The following MAP4 variants were observed in gnomAD, a reference collection of about 807,000 sequenced individuals.
MAP4 encodes microtubule associated protein 4.
Under a neutral mutation model 170.2 loss-of-function variants are expected in MAP4, and 76 were observed. That is an observed-to-expected ratio of 0.45 (90% CI 0.37 to 0.54). The LOEUF (loss-of-function observed/expected upper bound fraction) is 0.54, where lower values mean the gene tolerates loss of function less well. Among genes scored for constraint, MAP4 ranks in the 20% least tolerant of loss-of-function variants. The pLI is 0.00. For missense variants in MAP4, 2,506 were observed against 2,748.0 expected (o/e 0.91, Z 1.97); for synonymous variants, 909 against 994.5 (o/e 0.91, Z 1.62).
intron 20 of MAP4, 53 bp downstream of exon 20, chr3:47,853,110 G>A: frequency 1.9e-6 from 3 of 1,613,360 alleles, no homozygotes; most frequent in Non-Finnish European, 2.5e-6. Flanking sequence ...GTTTCAATTT[G>A]CGGCCAGTGG....
At chr3:47,894,042 T>G (rs1216053393) in intron 10 of MAP4, among the ~76,000 whole-genome samples, 1 of 151,716 alleles carries the variant, frequency 6.6e-6, no homozygotes, top group Non-Finnish European at 1.5e-5. Context: ...AGGGCTACAC[T>G]CATGATGATG....
chr3:47,876,145 T>G (rs1468524958), intron 11 of MAP4, among the ~76,000 whole-genome samples: 2 of 149,214 alleles, frequency 1.3e-5, no homozygotes, highest in African/African-American at 4.9e-5. Flanking sequence ...TCTTTTTTTT[T>G]TTTTTTGAGA....
chr3:47,958,995 A>AT (rs2100069656), intron 3 of MAP4, among the ~76,000 whole-genome samples: 1 of 152,080 alleles, frequency 6.6e-6, no homozygotes, highest in Non-Finnish European at 1.5e-5. Context: ...AATTAGATTT[A>AT]TAATACAACT....
chr3:48,009,103 T>C (rs1436003185), intron 1 of MAP4, among the ~76,000 whole-genome samples: 1 of 152,096 alleles, frequency 6.6e-6, no homozygotes, highest in Non-Finnish European at 1.5e-5. Flanking sequence ...GTTGTTGTTG[T>C]TGTTGTTGTT....
At chr3:48,050,604 TAA>T (rs58604865) in intron 1 of MAP4, among the ~76,000 whole-genome samples, 13 of 139,760 alleles carry the variant, frequency 9.3e-5, no homozygotes, top group African/African-American at 2.8e-4. Flanking sequence ...ATCATAAACT[TAA>T]AAAAAAAAAA....
At chr3:47,952,868 G>A (rs2100065371) in intron 3 of MAP4, among the ~76,000 whole-genome samples, 1 of 151,662 alleles carries the variant, frequency 6.6e-6, no homozygotes, top group Non-Finnish European at 1.5e-5. Context: ...AGGTTGTAGT[G>A]AGCCGAGATC....
chr3:47,951,999 G>T (rs1222433917), intron 3 of MAP4, among the ~76,000 whole-genome samples: 4 of 149,984 alleles, frequency 2.7e-5, no homozygotes, highest in African/African-American at 9.9e-5. Context: ...CCTCTGCCCC[G>T]CCACCCCGTC....
intron 1 of MAP4, among the ~76,000 whole-genome samples, chr3:48,039,885 A>G (rs2100120751): frequency 6.6e-6 from 1 of 152,228 alleles, no homozygotes; most frequent in Non-Finnish European, 1.5e-5. Flanking sequence ...CCTTTCATAG[A>G]CTTCCTCTAA....
chr3:48,001,983 T>C (rs934291097), intron 1 of MAP4, among the ~76,000 whole-genome samples: 1 of 152,144 alleles, frequency 6.6e-6, no homozygotes, highest in Non-Finnish European at 1.5e-5. Flanking sequence ...TTCATGCGAC[T>C]CTGTCATCAT....
Position 47,909,245 on chromosome 3 carries a change from G to A in MAP4, c.5176C>T (p.Pro1726Ser), listed in dbSNP as rs756024154. The change falls in exon 9 of 21, where the codon CCC (proline) becomes TCC (serine). Residue 1726 changes from proline to serine, a missense_variant. Around this residue, in one of 3 missense-constraint regions of MAP4, gnomAD observed 2,008 missense variants for 2,206.0 expected, o/e 0.91. Coordinates refer to ENST00000683076, the MANE Select transcript of MAP4 (RefSeq NM_001385682.1). Reference sequence around the variant, plus strand: ...GGTGTCTCCAAAATCTTATCTTTGGGTTCTGGGAGTCGAACACCCTTGGAA... The same window carrying A: ...GGTGTCTCCAAAATCTTATCTTTGGATTCTGGGAGTCGAACACCCTTGGAA... ...TASKGVRLPE[P>S]KDKILETPQK... The A allele has an allele frequency of 5.6e-6, 9 of 1,613,588 alleles. No homozygotes were observed. In the African/African-American group the frequency reaches 9.4e-5, roughly 17 times the overall value.
In MAP4 at chr3:47,892,110, C is replaced by T. The variant is rs533650121; in HGVS notation, c.5434+10840G>A. The T allele has an allele frequency of 1.0e-4, 160 of 1,536,126 alleles. 1 individual carries two copies. The highest frequency in any genetic ancestry group is 5.6e-4 in the African/African-American group (41 of 73,112). ...CCCTCTATGAGTCCCAGATGGAACT[C>T]GGAGGTCTTCTGGTGTACCGAGTTC... On this transcript the variant is annotated intron_variant, in intron 10 of 20. Coordinates refer to ENST00000683076, the MANE Select transcript of MAP4 (RefSeq NM_001385682.1).
In MAP4 at chr3:47,851,403, C is replaced by T. The variant is rs534974162; in HGVS notation, c.*1531G>A. 9.8e-5 allele frequency: 15 copies of T among 152,322 alleles called. No individual in the cohort carries two copies. The Middle Eastern group carries it at 0.017, about 173-fold the overall frequency. The allele number at this position is 152,322 out of a possible 1,614,324, so 9.4% of individuals were successfully genotyped here. ...TCTAAACTTAGGTCAAGACCCCTAC[C>T]TTCTCCAGGGATGCCAGGACCAGAG... On this transcript the variant is annotated 3_prime_UTR_variant, in exon 21 of 21. Coordinates refer to ENST00000683076, the MANE Select transcript of MAP4 (RefSeq NM_001385682.1).
At chr3:47,892,193 GCTT>G (rs779702920) in intron 10 of MAP4, 31 of 1,536,208 alleles carry the variant, frequency 2.0e-5, no homozygotes, top group Non-Finnish European at 2.5e-5. Flanking sequence ...GTGACCTGAG[GCTT>G]CTTGACAGTC....
intron 3 of MAP4, among the ~76,000 whole-genome samples, chr3:47,938,110 C>T (rs1333027566): frequency 6.6e-6 from 1 of 151,708 alleles, no homozygotes; most frequent in Non-Finnish European, 1.5e-5. Flanking sequence ...GTGGCTCATG[C>T]CTGTAATCCC....
intron 9 of MAP4, among the ~76,000 whole-genome samples, chr3:47,905,064 TG>T (rs2100032191): frequency 6.6e-6 from 1 of 152,092 alleles, no homozygotes; most frequent in East Asian, 1.9e-4. Context: ...ATGTGAGAAT[TG>T]GTAGCAATAT....
intron 1 of MAP4, among the ~76,000 whole-genome samples, chr3:48,022,897 GA>G (rs35128918): frequency 0.7 from 105,661 of 150,620 alleles, 37,055 homozygotes; most frequent in African/African-American, 0.74. Flanking sequence ...TCTCAGGGGG[GA>G]AAAAAAAAAA....
chr3:47,962,557 T>C (rs1189327385), intron 3 of MAP4, among the ~76,000 whole-genome samples: 5 of 152,226 alleles, frequency 3.3e-5, no homozygotes, highest in African/African-American at 7.2e-5. Context: ...TTCTTTAGAG[T>C]TCTCTTTACC....
At chr3:47,876,424 C>A (rs1471680901) in intron 11 of MAP4, among the ~76,000 whole-genome samples, 2 of 152,146 alleles carry the variant, frequency 1.3e-5, no homozygotes, top group African/African-American at 4.8e-5. Flanking sequence ...AGCCACCGCG[C>A]CTGGCCTGGG....
At chr3:47,926,056 A>G (rs1434514796) in intron 4 of MAP4, among the ~76,000 whole-genome samples, 1 of 151,390 alleles carries the variant, frequency 6.6e-6, no homozygotes, top group Non-Finnish European at 1.5e-5. Context: ...GGGTTTCACC[A>G]TGTTGGCCAG....
Sources: gnomAD v4.1 joint callset for allele counts (sites outside exome capture counted in the v4.1 genomes callset) on GRCh38, gnomAD v4.1.1 for gene constraint, gnomAD v4.1.1 regional missense constraint, MANE v1.5 for transcripts, NCBI Gene and HGNC (gene_info 2026-07-23, HGNC 2026-07-21) for gene names.